NALF1: variants seen among roughly 807,000 people sequenced by gnomAD.
The protein encoded by NALF1 is NALCN channel auxiliary factor 1, also known as family with sequence similarity 155 member A.
A neutral mutation model predicts 48.4 loss-of-function variants in NALF1; 3 were observed. The observed-to-expected ratio is 0.06, with a 90% CI of 0.03 to 0.16. NALF1 has a LOEUF of 0.16. Among genes scored for constraint, NALF1 ranks in the 10% least tolerant of loss-of-function variants. The probability of loss-of-function intolerance (pLI) is 1.00; values close to 1 mark genes in which losing one functional copy is unlikely to be tolerated. For synonymous variants in NALF1, 262 were observed against 245.7 expected (o/e 1.07, Z -0.62); for missense variants, 526 against 571.5 (o/e 0.92, Z 0.81).
intron 1 of NALF1, among the ~76,000 whole-genome samples, chr13:107,588,753 G>A (rs530623427): frequency 5.3e-5 from 8 of 152,032 alleles, no homozygotes; most frequent in Admixed American, 2.6e-4. Context: ...TTGGCATCAC[G>A]TCAGTGGCAT....
At chr13:107,628,421 C>G (rs1254729138) in intron 1 of NALF1, among the ~76,000 whole-genome samples, 1 of 152,084 alleles carries the variant, frequency 6.6e-6, no homozygotes, top group Non-Finnish European at 1.5e-5. Context: ...TTATTTCCTT[C>G]AAGGAGAATG....
intron 1 of NALF1, among the ~76,000 whole-genome samples, chr13:107,713,605 C>T (rs1279593824): frequency 6.6e-6 from 1 of 152,164 alleles, no homozygotes; most frequent in African/African-American, 2.4e-5. Flanking sequence ...ATTTTACAAA[C>T]TGGTGTTCTT....
At chr13:107,436,208 T>C (rs1169083442) in intron 1 of NALF1, among the ~76,000 whole-genome samples, 2 of 152,198 alleles carry the variant, frequency 1.3e-5, no homozygotes, top group Non-Finnish European at 1.5e-5. Flanking sequence ...GAAATAAGAT[T>C]TGCAGTTACA....
At chr13:107,750,081 G>C (rs1190651975) in intron 1 of NALF1, among the ~76,000 whole-genome samples, 1 of 152,126 alleles carries the variant, frequency 6.6e-6, no homozygotes, top group Non-Finnish European at 1.5e-5. Flanking sequence ...GCCTCCCAAA[G>C]TGTTTTTAAA....
chr13:107,312,739 A>T (rs1028222148), intron 1 of NALF1, among the ~76,000 whole-genome samples: 3 of 152,212 alleles, frequency 2.0e-5, no homozygotes, highest in African/African-American at 7.2e-5. Context: ...AAGAAAATGG[A>T]GAAGGGGTAA....
intron 1 of NALF1, among the ~76,000 whole-genome samples, chr13:107,638,802 T>C (rs1239668689): frequency 1.3e-5 from 2 of 152,030 alleles, no homozygotes; most frequent in South Asian, 2.1e-4. Context: ...GGCTGTGGGA[T>C]GGGATCGAGA....
chr13:107,800,217 T>C (rs1281566522), intron 1 of NALF1, among the ~76,000 whole-genome samples: 1 of 152,170 alleles, frequency 6.6e-6, no homozygotes, highest in African/African-American at 2.4e-5. Flanking sequence ...TCATTTACAA[T>C]TGCACTTTGC....
chr13:107,264,855 C>T (rs183486663), intron 1 of NALF1, among the ~76,000 whole-genome samples: 2 of 152,264 alleles, frequency 1.3e-5, no homozygotes, highest in Non-Finnish European at 2.9e-5. Flanking sequence ...TAAATAGCTG[C>T]GTGCATGCTT....
At chr13:107,377,401 G>A (rs957899194) in intron 1 of NALF1, among the ~76,000 whole-genome samples, 1 of 152,164 alleles carries the variant, frequency 6.6e-6, no homozygotes, top group Non-Finnish European at 1.5e-5. Flanking sequence ...AAGGACCTGC[G>A]TTAAAGCAGG....
rs930299746 is a variant in NALF1, at chr13:107,867,151, C to T, written c.-555G>A. ...TCCTCCTCCTCCTCCTCCTCTTCTTCTCCTCCTCTTCCTCCTCCTTCCTTT... is the reference window on the plus strand; with the variant it reads ...TCCTCCTCCTCCTCCTCCTCTTCTTTTCCTCCTCTTCCTCCTCCTTCCTTT... On this transcript the variant is annotated 5_prime_UTR_variant, in exon 1 of 3. Coordinates refer to ENST00000375915, the MANE Select transcript of NALF1 (RefSeq NM_001080396.3). The surrounding 1 kb of genome is among the most constrained non-coding windows in gnomAD (Gnocchi z 4.4). 6.6e-6 allele frequency among the ~76,000 whole-genome samples: 1 copy of T among 151,838 alleles called. No homozygotes were observed. Among genetic ancestry groups the T allele is most frequent in the Non-Finnish European group, 1.5e-5 (1 of 67,878 alleles).
intron 1 of NALF1, among the ~76,000 whole-genome samples, chr13:107,573,073 C>T (rs1340646572): frequency 6.6e-6 from 1 of 152,062 alleles, no homozygotes; most frequent in Non-Finnish European, 1.5e-5. Flanking sequence ...CAACACACAC[C>T]TTCTTCTGAG....
At chr13:107,621,970 G>T (rs540950807) in intron 1 of NALF1, among the ~76,000 whole-genome samples, 4 of 150,172 alleles carry the variant, frequency 2.7e-5, no homozygotes, top group African/African-American at 9.7e-5. Context: ...TTCATGGAAT[G>T]ACATCTGGAA....
chr13:107,717,571 G>A (rs540222891), intron 1 of NALF1, among the ~76,000 whole-genome samples: 23 of 150,946 alleles, frequency 1.5e-4, no homozygotes, highest in Admixed American at 5.3e-4. Context: ...AAAAAGCTAC[G>A]TCCAGTGCTC....
chr13:107,255,841 T>C (rs1377906289), intron 1 of NALF1, among the ~76,000 whole-genome samples: 3 of 152,180 alleles, frequency 2.0e-5, no homozygotes, highest in Non-Finnish European at 4.4e-5. Context: ...AACCCTTTAA[T>C]TGCATTTCTT....
At chr13:107,705,458 G>A (rs73603332) in intron 1 of NALF1, among the ~76,000 whole-genome samples, 2,279 of 152,062 alleles carry the variant, frequency 0.015, 56 homozygotes, top group African/African-American at 0.053. Flanking sequence ...AAATTATATC[G>A]TCTAATGCAA....
At chr13:107,831,745 G>A (rs927722484) in intron 1 of NALF1, among the ~76,000 whole-genome samples, 9 of 152,124 alleles carry the variant, frequency 5.9e-5, no homozygotes, top group Admixed American at 3.9e-4. Flanking sequence ...ATGTTTGCGC[G>A]TATTTGCAGC....
intron 1 of NALF1, among the ~76,000 whole-genome samples, chr13:107,219,339 C>T (rs1879943765): frequency 3.9e-5 from 6 of 152,156 alleles, no homozygotes; most frequent in Admixed American, 3.3e-4. Flanking sequence ...GCCAGTGATC[C>T]TATTAAAATT....
intron 1 of NALF1, among the ~76,000 whole-genome samples, chr13:107,743,682 C>A (rs1189552832): frequency 6.6e-6 from 1 of 152,178 alleles, no homozygotes; most frequent in Non-Finnish European, 1.5e-5. Context: ...GGAGGATATT[C>A]CTCACAGAGT....
chr13:107,377,301 G>GC (rs1307634858), intron 1 of NALF1, among the ~76,000 whole-genome samples: 3 of 152,232 alleles, frequency 2.0e-5, no homozygotes, highest in African/African-American at 7.2e-5. Context: ...CAGAGCTAGA[G>GC]AAGAAGGATC....
Sources: allele counts gnomAD v4.1 joint callset (sites outside exome capture counted in the v4.1 genomes callset), GRCh38; gene constraint gnomAD v4.1.1; non-coding constraint Gnocchi (gnomAD v3.1); transcripts MANE v1.5; gene names NCBI Gene and HGNC (gene_info 2026-07-23, HGNC 2026-07-21).